The following EBF1 variants were observed in gnomAD, a reference collection of about 807,000 sequenced individuals.
The protein encoded by EBF1 is EBF transcription factor 1.
A neutral mutation model predicts 68.4 loss-of-function variants in EBF1; 10 were observed. The observed-to-expected ratio is 0.15, with a 90% CI of 0.09 to 0.25. EBF1 has a LOEUF of 0.25. Among genes scored for constraint, EBF1 ranks in the 10% least tolerant of loss-of-function variants. The probability of loss-of-function intolerance (pLI) is 1.00; values close to 1 mark genes in which losing one functional copy is unlikely to be tolerated. For synonymous variants in EBF1, 298 were observed against 299.8 expected (o/e 0.99, Z 0.06); for missense variants, 509 against 794.4 (o/e 0.64, Z 4.32).
rs1365813847 is a variant in EBF1, at chr5:158,708,172, T to G, written c.1551A>C (p.Ile517=). ...NGSAANSPYA[I]VPSSPTMASS... is the part of the protein sequence containing the mutation. ...AGGCCATGGTGGGGCTGGATGGCACTACTGAGAGGGGCAATGAGAAAGGAG... is the reference window on the plus strand; with the variant it reads ...AGGCCATGGTGGGGCTGGATGGCACGACTGAGAGGGGCAATGAGAAAGGAG... The change falls in exon 15 of 16, where the codon ATA becomes ATC. Residue 517 remains isoleucine (I), a splice_region_variant and synonymous_variant. Coordinates refer to ENST00000313708, the MANE Select transcript of EBF1 (RefSeq NM_024007.5). 6.3e-7 allele frequency: 1 copy of G among 1,576,332 alleles called. No individual in the cohort carries two copies. The highest frequency in any genetic ancestry group is 1.3e-5 in the African/African-American group (1 of 74,250).
intron 6 of EBF1, among the ~76,000 whole-genome samples, chr5:158,990,284 G>C (rs1399055908): frequency 6.6e-6 from 1 of 152,204 alleles, no homozygotes; most frequent in Non-Finnish European, 1.5e-5. Flanking sequence ...TACCAGGAAG[G>C]CCTTGGGGCA....
chr5:158,810,341 A>G (rs1231690726), intron 8 of EBF1, among the ~76,000 whole-genome samples: 1 of 152,232 alleles, frequency 6.6e-6, no homozygotes, highest in Non-Finnish European at 1.5e-5. Context: ...AAAGAGAAAC[A>G]GATAAAAAAC....
At chr5:159,040,273 A>C (rs1015657900) in intron 6 of EBF1, among the ~76,000 whole-genome samples, 6 of 152,304 alleles carry the variant, frequency 3.9e-5, no homozygotes, top group Non-Finnish European at 5.9e-5. Context: ...GGAAGCGCTT[A>C]AATATTTAAT....
chr5:158,913,564 G>C (rs1406448636), intron 6 of EBF1, among the ~76,000 whole-genome samples: 1 of 152,110 alleles, frequency 6.6e-6, no homozygotes, highest in African/African-American at 2.4e-5. Flanking sequence ...CTGAGATTTG[G>C]GGAGAGGTTG....
intron 6 of EBF1, among the ~76,000 whole-genome samples, chr5:158,897,636 G>T (rs943720102): frequency 1.3e-5 from 2 of 152,060 alleles, no homozygotes; most frequent in Non-Finnish European, 2.9e-5. Context: ...ACATGCATAT[G>T]TGACTAAGAA....
At chr5:158,872,817 T>G (rs1051431091) in intron 6 of EBF1, among the ~76,000 whole-genome samples, 2 of 152,122 alleles carry the variant, frequency 1.3e-5, no homozygotes, top group African/African-American at 2.4e-5. Context: ...TACATACCAT[T>G]AATTCAGTTC....
At chr5:158,836,653 A>ATGTTGGT (rs1350717771) in intron 7 of EBF1, among the ~76,000 whole-genome samples, 3 of 152,204 alleles carry the variant, frequency 2.0e-5, no homozygotes, top group Admixed American at 2.0e-4. Context: ...ATGAAACCCA[A>ATGTTGGT]TGTTGGTTGT....
chr5:158,912,008 T>C (rs189404123), intron 6 of EBF1, among the ~76,000 whole-genome samples: 1 of 152,332 alleles, frequency 6.6e-6, no homozygotes, highest in Admixed American at 6.5e-5. Flanking sequence ...TTCTCCAAGT[T>C]CATTTCTTTA....
At chr5:158,775,912 A>G (rs11745795) in intron 10 of EBF1, among the ~76,000 whole-genome samples, 30,883 of 152,034 alleles carry the variant, frequency 0.2, 3,566 homozygotes, top group African/African-American at 0.3. Flanking sequence ...TAGTTTGATT[A>G]TTCTTCAAAA....
intron 1 of EBF1, 144 bp downstream of exon 1, chr5:159,099,201 C>T (rs959773577): frequency 1.8e-6 from 1 of 555,886 alleles, no homozygotes; most frequent in African/African-American, 2.0e-5. Context: ...AGCGCGGAGC[C>T]CCGGCGGAGA....
At chr5:158,813,090 T>G (rs1783005598) in intron 8 of EBF1, among the ~76,000 whole-genome samples, 1 of 152,148 alleles carries the variant, frequency 6.6e-6, no homozygotes, top group Non-Finnish European at 1.5e-5. Context: ...CAAACTTCAG[T>G]CCTGATTTTC....
chr5:158,741,202 G>T (rs1766308960), intron 10 of EBF1, among the ~76,000 whole-genome samples: 1 of 152,058 alleles, frequency 6.6e-6, no homozygotes, highest in African/African-American at 2.4e-5. Flanking sequence ...ATTCCATATT[G>T]GTTTTCACGT....
chr5:158,895,063 G>T (rs1801902902), intron 6 of EBF1, among the ~76,000 whole-genome samples: 1 of 152,038 alleles, frequency 6.6e-6, no homozygotes, highest in Non-Finnish European at 1.5e-5. Flanking sequence ...CAGTCTATAA[G>T]AATCTTGTCC....
intron 6 of EBF1, among the ~76,000 whole-genome samples, chr5:159,030,441 A>G (rs1768549743): frequency 6.6e-6 from 1 of 152,192 alleles, no homozygotes; most frequent in South Asian, 2.1e-4. Context: ...AAATAGATAT[A>G]CTTTTAATTA....
At chr5:159,096,676 G>C in intron 2 of EBF1, 2 of 605,438 alleles carry the variant, frequency 3.3e-6, no homozygotes, top group Admixed American at 3.0e-5. Flanking sequence ...GCCACCAGAG[G>C]CAGGCGGTGC....
intron 10 of EBF1, among the ~76,000 whole-genome samples, chr5:158,747,436 A>G (rs1767832366): frequency 6.6e-6 from 1 of 152,194 alleles, no homozygotes; most frequent in Admixed American, 6.5e-5. Context: ...AATTGCACCT[A>G]TGGAAAAAGA....
chr5:158,905,188 T>TC (rs1273258485), intron 6 of EBF1, among the ~76,000 whole-genome samples: 1 of 152,092 alleles, frequency 6.6e-6, no homozygotes, highest in Non-Finnish European at 1.5e-5. Context: ...TGCAAAAACC[T>TC]CCCCCATTTG....
chr5:158,790,502 A>T (rs377394303), intron 9 of EBF1, among the ~76,000 whole-genome samples: 1 of 102,266 alleles, frequency 9.8e-6, no homozygotes, highest in Non-Finnish European at 2.4e-5. Context: ...ATCCTTGGGG[A>T]AAAAAAAAAG....
chr5:158,707,724 G>A (rs915256854), intron 15 of EBF1: 16 of 473,520 alleles, frequency 3.4e-5, no homozygotes, highest in South Asian at 2.5e-4. Context: ...AGCAAATCCC[G>A]GGCCTGAGCA....
Sources: gnomAD v4.1 joint callset for allele counts (sites outside exome capture counted in the v4.1 genomes callset) on GRCh38, gnomAD v4.1.1 for gene constraint, MANE v1.5 for transcripts, NCBI Gene and HGNC (gene_info 2026-07-23, HGNC 2026-07-21) for gene names.